ASB18: variants seen among roughly 807,000 people sequenced by gnomAD.
ASB18 encodes the protein ankyrin repeat and SOCS box protein 18.
Under a neutral mutation model 33.4 loss-of-function variants are expected in ASB18, and 33 were observed. The ratio of observed to expected loss-of-function variants is 0.99; its 90% CI spans 0.75 to 1.32. The LOEUF is 1.32. ASB18 is among the 40% of genes most tolerant of loss of function. ASB18 has a pLI of 0.00. For synonymous variants in ASB18, 295 were observed against 307.6 expected, an observed-to-expected ratio of 0.96 and a Z score of 0.43; for missense variants, 694 against 655.5, an observed-to-expected ratio of 1.06 and a Z score of -0.64.
chr2:236,233,651 T>C (rs2060576731), intron 3 of ASB18, among the ~76,000 whole-genome samples: 1 of 152,174 alleles, frequency 6.6e-6, no homozygotes, highest in Admixed American at 6.5e-5. Context: ...GAAATTTAAA[T>C]ATACAGTTGA....
In ASB18 at chr2:236,196,068, G is replaced by A. The variant is rs1261492220; in HGVS notation, c.1215+204C>T. The A allele has an allele frequency of 1.9e-5, 11 of 593,684 alleles. 1 individual carries two copies. Among genetic ancestry groups the A allele is most frequent in the South Asian group, 3.8e-5 (2 of 52,594 alleles). 36.8% of individuals were successfully genotyped at this position (593,684 alleles called of 1,614,324 possible). ...CTGAGCTCCTTGAGGCCATGGCACC[G>A]CAACTACTATAACAAGCTCCTGGCT... On this transcript the variant is annotated intron_variant, in intron 5 of 5. Transcript: ENST00000409749. The surrounding 1 kb of genome is among the most constrained non-coding windows in gnomAD (Gnocchi z 5.6).
rs924484950 is a variant in ASB18, at chr2:236,253,049, G to A, written c.205+11092C>T. On this transcript the variant is annotated intron_variant, in intron 1 of 5. Coordinates refer to ENST00000409749, the MANE Select transcript of ASB18 (RefSeq NM_212556.4). The surrounding 1 kb of genome is among the most constrained non-coding windows in gnomAD (Gnocchi z 5.4). Reference sequence around the variant, plus strand: ...GTCAGCCAAGGCATGGTTAGGTGGCGTCAAGGATCCCCACCGTCCTCGCCA... The same window carrying A: ...GTCAGCCAAGGCATGGTTAGGTGGCATCAAGGATCCCCACCGTCCTCGCCA... Among the ~76,000 whole-genome samples the A allele has an allele frequency of 3.9e-5, 6 of 152,188 alleles. No individual in the cohort carries two copies. Among genetic ancestry groups the A allele is most frequent in the East Asian group, 3.9e-4 (2 of 5,190 alleles).
rs1342174902 is a variant in ASB18, at chr2:236,263,729, A to T, written c.205+412T>A. On this transcript the variant is annotated intron_variant, in intron 1 of 5. Transcript: ENST00000409749. This position sits in a 1 kb window ranked among gnomAD's most constrained non-coding sequence, Gnocchi z 4.0. ...CTTTTTGTAGGCATTTGGTTTAAGT[A>T]TTTCAGTAGGGGATTGAAATTGGGA... 6.6e-6 allele frequency among the ~76,000 whole-genome samples: 1 copy of T among 152,230 alleles called. No homozygotes were observed. The highest frequency in any genetic ancestry group is 1.5e-5 in the Non-Finnish European group (1 of 68,032).
chr2:236,241,415 C>T lies in ASB18; in HGVS notation c.206-13G>A. 6.2e-7 allele frequency: 1 copy of T among 1,613,936 alleles called. No individual in the cohort carries two copies. Among genetic ancestry groups the T allele is most frequent in the Non-Finnish European group, 8.5e-7 (1 of 1,179,854 alleles). On this transcript the variant is annotated splice_polypyrimidine_tract_variant and intron_variant, in intron 1 of 5. Coordinates refer to ENST00000409749, the MANE Select transcript of ASB18 (RefSeq NM_212556.4). This position sits in a 1 kb window ranked among gnomAD's most constrained non-coding sequence, Gnocchi z 4.2. ...TGGTCGAGGTCCCCTGCGACCAGGG[C>T]AGTGTGGTACTCCTGCACCGGGGAC...
rs1032748096 is a variant in ASB18, at chr2:236,217,778, G to A, written c.597-2912C>T. Among the ~76,000 whole-genome samples the A allele has an allele frequency of 3.3e-5, 5 of 152,274 alleles. No individual in the cohort carries two copies. The highest frequency in any genetic ancestry group is 1.2e-4 in the African/African-American group (5 of 41,540). Reference sequence around the variant, plus strand: ...GAGAAGTGGTCTGTCTTGAGTGAAAGATCTTTACAAACAAGTACAGTTTGA... The same window carrying A: ...GAGAAGTGGTCTGTCTTGAGTGAAAAATCTTTACAAACAAGTACAGTTTGA... On this transcript the variant is annotated intron_variant, in intron 3 of 5. Coordinates refer to ENST00000409749, the MANE Select transcript of ASB18 (RefSeq NM_212556.4). The surrounding 1 kb of genome is among the most constrained non-coding windows in gnomAD (Gnocchi z 5.2).
rs868190669 is a variant in ASB18 at position 236,217,425 on chromosome 2, A to T, written c.597-2559T>A. On this transcript the variant is annotated intron_variant, in intron 3 of 5. Transcript: ENST00000409749. The surrounding 1 kb of genome is among the most constrained non-coding windows in gnomAD (Gnocchi z 5.2). ...GAGACTCTGTCTCAAAAAAAAAAAAAAATAAATCTTGGCACCTTCAACTCC... is the reference window on the plus strand; with the variant it reads ...GAGACTCTGTCTCAAAAAAAAAAAATAATAAATCTTGGCACCTTCAACTCC... 1.9e-5 allele frequency among the ~76,000 whole-genome samples: 1 copy of T among 51,664 alleles called. No individual in the cohort carries two copies. Among genetic ancestry groups the T allele is most frequent in the Non-Finnish European group, 3.3e-5 (1 of 30,436 alleles). 33.9% of individuals were successfully genotyped at this position (51,664 alleles called of 152,430 possible).
Position 236,215,903 on chromosome 2 carries a change from C to G in ASB18, c.597-1037G>C, listed in dbSNP as rs911996731. On this transcript the variant is annotated intron_variant, in intron 3 of 5. Transcript: ENST00000409749. The surrounding 1 kb of genome is among the most constrained non-coding windows in gnomAD (Gnocchi z 7.2). ...AGACTACAGCCCTAGTCCTCTAGCT[C>G]CCCAATGCCTGTTGGTCCTACTTGC... Among the ~76,000 whole-genome samples, 4 of 152,156 alleles carry G rather than the reference C, an allele frequency of 2.6e-5. No individual in the cohort carries two copies. Among genetic ancestry groups the G allele is most frequent in the Non-Finnish European group, 5.9e-5 (4 of 68,040 alleles).
Position 236,264,175 on chromosome 2 carries a change from G to A in ASB18, c.171C>T (p.Asp57=), listed in dbSNP as rs1338529684. ...IELANDDWMK[D]PSAQLPTGML... ...TGCCGGTGGGCAGCTGAGCCGAGGG[G>A]TCTTTCATCCAGTCGTCATTGGCCA... The change falls in exon 1 of 6, where the codon GAC becomes GAT. Residue 57 remains aspartate, a synonymous_variant. Transcript: ENST00000409749. The surrounding 1 kb of genome is among the most constrained non-coding windows in gnomAD (Gnocchi z 5.1). 4 of 1,613,902 alleles carry A rather than the reference G, an allele frequency of 2.5e-6. No homozygotes were observed. The highest frequency in any genetic ancestry group is 3.4e-6 in the Non-Finnish European group (4 of 1,179,870).
intron 1 of ASB18, among the ~76,000 whole-genome samples, chr2:236,254,332 A>AC (rs986989794): frequency 1.3e-5 from 2 of 150,912 alleles, no homozygotes; most frequent in African/African-American, 4.9e-5. Context: ...TCACCCCTTC[A>AC]CTCCCATGGA....
rs537010009 is a variant in ASB18 at position 236,241,103 on chromosome 2, A to G, written c.328+177T>C. On this transcript the variant is annotated intron_variant, in intron 2 of 5. Coordinates refer to ENST00000409749, the MANE Select transcript of ASB18 (RefSeq NM_212556.4). The surrounding 1 kb of genome is among the most constrained non-coding windows in gnomAD (Gnocchi z 4.2). ...CTTTGCCTTTCCAACTGGATCTCTT[A>G]TAGGCCATCACCTAAAACCTACACT... Among the ~76,000 whole-genome samples, 1 of 152,310 alleles carries G rather than the reference A, an allele frequency of 6.6e-6. No homozygotes were observed. The highest frequency in any genetic ancestry group is 2.1e-4 in the South Asian group (1 of 4,822).
rs532409291 is a variant in ASB18 at position 236,212,161 on chromosome 2, C to T, written c.1101+2201G>A. Among the ~76,000 whole-genome samples, 17 of 152,194 alleles carry T rather than the reference C, an allele frequency of 1.1e-4. No individual in the cohort carries two copies. In the South Asian group the frequency reaches 3.1e-3, roughly 28 times the overall value. ...CAAGCACTTCCCATGGCTTTTTGGCCCCCAGGTACAACAAATCTAAACCTA... is the reference window on the plus strand; with the variant it reads ...CAAGCACTTCCCATGGCTTTTTGGCTCCCAGGTACAACAAATCTAAACCTA... On this transcript the variant is annotated intron_variant, in intron 4 of 5. Transcript: ENST00000409749.
chr2:236,215,278 C>T lies in ASB18; in HGVS notation c.597-412G>A, dbSNP rs1260102754. On this transcript the variant is annotated intron_variant, in intron 3 of 5. Transcript: ENST00000409749. This position sits in a 1 kb window ranked among gnomAD's most constrained non-coding sequence, Gnocchi z 7.2. ...GAGGCCCTTGGGGGTCAGACTCTTT[C>T]CCGGCCCCCATCTAGCCCTTCTGGA... Among the ~76,000 whole-genome samples, 2 of 152,126 alleles carry T rather than the reference C, an allele frequency of 1.3e-5. No homozygotes were observed. Among genetic ancestry groups the T allele is most frequent in the Non-Finnish European group, 2.9e-5 (2 of 68,020 alleles).
At position 236,231,011 on chromosome 2, in the gene ASB18, A is replaced by C. The variant is rs749179083; in HGVS notation, c.596+6678T>G. On this transcript the variant is annotated intron_variant, in intron 3 of 5. Coordinates refer to ENST00000409749, the MANE Select transcript of ASB18 (RefSeq NM_212556.4). The surrounding 1 kb of genome is among the most constrained non-coding windows in gnomAD (Gnocchi z 5.5). ...AAGACTCAGGTAAGTTAAAAAATGAAAGGATGGTATGGTAGGCAGTATCTA... is the reference window on the plus strand; with the variant it reads ...AAGACTCAGGTAAGTTAAAAAATGACAGGATGGTATGGTAGGCAGTATCTA... Among the ~76,000 whole-genome samples, 6 of 152,128 alleles carry C rather than the reference A, an allele frequency of 3.9e-5. No individual in the cohort carries two copies. Among genetic ancestry groups the C allele is most frequent in the Non-Finnish European group, 8.8e-5 (6 of 68,012 alleles).
intron 1 of ASB18, among the ~76,000 whole-genome samples, chr2:236,261,905 T>C (rs2060720398): frequency 6.6e-6 from 1 of 152,100 alleles, no homozygotes; most frequent in Non-Finnish European, 1.5e-5. Flanking sequence ...GTGAGACTTA[T>C]TCACTACCAC....
rs1158767039 is a variant in ASB18 at position 236,214,509 on chromosome 2, G to T, written c.954C>A (p.Asp318Glu). The change falls in exon 4 of 6, where the codon GAC becomes GAA. Residue 318 changes from aspartate to glutamate, a missense_variant. Coordinates refer to ENST00000409749, the MANE Select transcript of ASB18 (RefSeq NM_212556.4). The surrounding 1 kb of genome is among the most constrained non-coding windows in gnomAD (Gnocchi z 6.5). ...CCCCGCCATAGTCGAGCGCGCCCGC[G>T]TCGGCGCCGTGCCGCAGTAGGAGGC... ...LARLLLRHGA[D>E]AGALDYGGAS... is the part of the protein sequence containing the mutation. 6.8e-7 allele frequency: 1 copy of T among 1,474,346 alleles called. No individual in the cohort carries two copies. The highest frequency in any genetic ancestry group is 8.9e-7 in the Non-Finnish European group (1 of 1,123,696). The allele number at this position is 1,474,346 out of a possible 1,614,324, so 91.3% of individuals were successfully genotyped here.
At position 236,203,282 on chromosome 2, in the gene ASB18, C is replaced by T. The variant is rs772250733; in HGVS notation, c.1102-6897G>A. Among the ~76,000 whole-genome samples, 2 of 152,058 alleles carry T rather than the reference C, an allele frequency of 1.3e-5. No individual in the cohort carries two copies. Among genetic ancestry groups the T allele is most frequent in the Non-Finnish European group, 2.9e-5 (2 of 68,030 alleles). On this transcript the variant is annotated intron_variant, in intron 4 of 5. Transcript: ENST00000409749. The surrounding 1 kb of genome is among the most constrained non-coding windows in gnomAD (Gnocchi z 6.0). ...TTTCTGGAAGAAGTGACATCCAAGCCGAGACCTGGCTCTGGAGCAGGAGTT... is the reference window on the plus strand; with the variant it reads ...TTTCTGGAAGAAGTGACATCCAAGCTGAGACCTGGCTCTGGAGCAGGAGTT...
At position 236,256,939 on chromosome 2, in the gene ASB18, T is replaced by G. The variant is rs1322589815; in HGVS notation, c.205+7202A>C. Among the ~76,000 whole-genome samples, 1 of 152,132 alleles carries G rather than the reference T, an allele frequency of 6.6e-6. No individual in the cohort carries two copies. Among genetic ancestry groups the G allele is most frequent in the African/African-American group, 2.4e-5 (1 of 41,414 alleles). ...GTAGAAAGCAAAGAAACATTTTAAT[T>G]CTAGGTGGTGGGAGATATTTTTCTG... On this transcript the variant is annotated intron_variant, in intron 1 of 5. Transcript: ENST00000409749. The surrounding 1 kb of genome is among the most constrained non-coding windows in gnomAD (Gnocchi z 4.7).
chr2:236,241,256 C>T lies in ASB18; in HGVS notation c.328+24G>A. 6.2e-7 allele frequency: 1 copy of T among 1,612,484 alleles called. No homozygotes were observed. On this transcript the variant is annotated intron_variant, in intron 2 of 5. Transcript: ENST00000409749. The surrounding 1 kb of genome is among the most constrained non-coding windows in gnomAD (Gnocchi z 4.2). Reference sequence around the variant, plus strand: ...TTAGTAGCCCCTTAAAAATAAATGACTGAGCTTTAAAGAACAAGGGTACCT... The same window carrying T: ...TTAGTAGCCCCTTAAAAATAAATGATTGAGCTTTAAAGAACAAGGGTACCT...
chr2:236,258,647 A>G (rs2060704060), intron 1 of ASB18, among the ~76,000 whole-genome samples: 1 of 152,218 alleles, frequency 6.6e-6, no homozygotes, highest in African/African-American at 2.4e-5. Context: ...GATATGGCCC[A>G]TGTGTCATGG....
Sources: allele counts gnomAD v4.1 joint callset (sites outside exome capture counted in the v4.1 genomes callset), GRCh38; gene constraint gnomAD v4.1.1; non-coding constraint Gnocchi (gnomAD v3.1); transcripts MANE v1.5; gene names NCBI Gene and HGNC (gene_info 2026-07-23, HGNC 2026-07-21).